WDR7: variants seen among roughly 807,000 people sequenced by gnomAD.
The protein encoded by WDR7 is WD repeat domain 7, also known as WD repeat-containing protein 7.
Under a neutral mutation model 169.4 loss-of-function variants are expected in WDR7, and 46 were observed. That is an observed-to-expected ratio of 0.27 (90% confidence interval 0.21 to 0.35). The LOEUF (loss-of-function observed/expected upper bound fraction) is 0.35. Among genes scored for constraint, WDR7 ranks in the 10% least tolerant of loss-of-function variants. The pLI, the probability that WDR7 is intolerant of heterozygous loss-of-function variation, is 1.00. For missense variants in WDR7, 1,534 were observed against 1,859.3 expected (o/e 0.83, Z 3.22); for synonymous variants, 612 against 666.8 (o/e 0.92, Z 1.27).
At chr18:57,001,163 A>G (rs1056938333) in intron 26 of WDR7, among the ~76,000 whole-genome samples, 7 of 151,016 alleles carry the variant, frequency 4.6e-5, no homozygotes, top group Admixed American at 3.3e-4. Context: ...ATCAATAGCT[A>G]GTAATATAAA....
intron 20 of WDR7, among the ~76,000 whole-genome samples, chr18:56,870,613 C>A (rs979717295): frequency 4.6e-5 from 7 of 152,076 alleles, no homozygotes; most frequent in African/African-American, 1.7e-4. Context: ...AAAGATAGAT[C>A]TTAAAAATTG....
chr18:56,766,447 C>T (rs2044068996), intron 16 of WDR7, among the ~76,000 whole-genome samples: 4 of 152,088 alleles, frequency 2.6e-5, no homozygotes, highest in African/African-American at 7.2e-5. Flanking sequence ...TTTTTCCTCT[C>T]TGTGTTTTGA....
At chr18:56,834,347 G>T (rs1041040412) in intron 20 of WDR7, among the ~76,000 whole-genome samples, 3 of 152,126 alleles carry the variant, frequency 2.0e-5, no homozygotes, top group Admixed American at 6.5e-5. Flanking sequence ...TCAAGGCCAA[G>T]GGGTGGTATA....
intron 14 of WDR7, 94 bp downstream of exon 14, chr18:56,731,691 G>T (rs1421262): frequency 0.12 from 133,530 of 1,118,732 alleles, 8,688 homozygotes; most frequent in Non-Finnish European, 0.14. Context: ...TAATTTTTGA[G>T]AAATGACCCT....
At chr18:56,803,506 T>G (rs2044714622) in intron 19 of WDR7, among the ~76,000 whole-genome samples, 2 of 152,132 alleles carry the variant, frequency 1.3e-5, no homozygotes, top group Non-Finnish European at 2.9e-5. Context: ...TCAAATATCT[T>G]ATTTATAAAC....
At chr18:56,929,978 G>T (rs1403041552) in intron 22 of WDR7, among the ~76,000 whole-genome samples, 2 of 152,116 alleles carry the variant, frequency 1.3e-5, no homozygotes, top group African/African-American at 4.8e-5. Flanking sequence ...CTAAGTTGTG[G>T]TCTGTGATTT....
intron 19 of WDR7, among the ~76,000 whole-genome samples, chr18:56,783,909 C>A (rs1489753480): frequency 2.6e-5 from 4 of 152,066 alleles, no homozygotes; most frequent in Admixed American, 1.3e-4. Flanking sequence ...CAAATTACTC[C>A]CTGAAGCAGT....
At chr18:56,896,661 ACCTAATG>A in intron 21 of WDR7, among the ~76,000 whole-genome samples, 1 of 151,890 alleles carries the variant, frequency 6.6e-6, no homozygotes, top group Non-Finnish European at 1.5e-5. Context: ...AAATTGGATC[ACCTAATG>A]CCTGTCATTA....
chr18:56,959,656 C>A (rs1477232033), intron 25 of WDR7, among the ~76,000 whole-genome samples: 1 of 152,154 alleles, frequency 6.6e-6, no homozygotes, highest in Non-Finnish European at 1.5e-5. Context: ...CTGAAACCCC[C>A]AAATTTTACA....
chr18:56,804,559 A>T (rs1265059202), intron 19 of WDR7, among the ~76,000 whole-genome samples: 1 of 152,208 alleles, frequency 6.6e-6, no homozygotes, highest in African/African-American at 2.4e-5. Context: ...AGTCATATGG[A>T]TATAACAGTT....
intron 16 of WDR7, among the ~76,000 whole-genome samples, chr18:56,765,654 G>GA (rs2044052344): frequency 6.6e-6 from 1 of 151,982 alleles, no homozygotes; most frequent in African/African-American, 2.4e-5. Flanking sequence ...ACTGAAATAA[G>GA]AAAAAATACA....
chr18:57,002,708 C>T (rs1002409855), intron 26 of WDR7, among the ~76,000 whole-genome samples: 1 of 152,106 alleles, frequency 6.6e-6, no homozygotes, highest in African/African-American at 2.4e-5. Flanking sequence ...GCTGTCAGCT[C>T]ATTTTTTCTG....
At chr18:56,708,714 C>G (rs541209192) in intron 12 of WDR7, among the ~76,000 whole-genome samples, 1 of 152,236 alleles carries the variant, frequency 6.6e-6, no homozygotes, top group East Asian at 1.9e-4. Context: ...ACAGGTGGAT[C>G]ACCTGAGGTC....
intron 25 of WDR7, among the ~76,000 whole-genome samples, chr18:56,961,869 T>A (rs937338765): frequency 1.3e-5 from 2 of 152,120 alleles, no homozygotes; most frequent in African/African-American, 2.4e-5. Flanking sequence ...CTTTTTCTGG[T>A]GGATAGTTTT....
chr18:56,992,771 A>G (rs34216187), intron 26 of WDR7, among the ~76,000 whole-genome samples: 31,490 of 152,078 alleles, frequency 0.21, 3,878 homozygotes, highest in Middle Eastern at 0.35. Flanking sequence ...AGCCAATCCA[A>G]TCAATTCCCA....
In WDR7 at chr18:56,718,632, A is replaced by G. The variant is rs190885846; in HGVS notation, c.1774+473A>G. ...TTCAGAAAGTTTATGTATTGGGGGTATAATGTAGAAATAGTAATGCTTAGC... is the reference window on the plus strand; with the variant it reads ...TTCAGAAAGTTTATGTATTGGGGGTGTAATGTAGAAATAGTAATGCTTAGC... On this transcript the variant is annotated intron_variant, in intron 13 of 27. Transcript: ENST00000254442. Among the ~76,000 whole-genome samples the G allele has an allele frequency of 4.6e-5, 7 of 152,370 alleles. No homozygotes were observed. In the East Asian group the frequency reaches 1.3e-3, roughly 29 times the overall value.
chr18:56,889,522 G>C (rs1414458404), intron 21 of WDR7, among the ~76,000 whole-genome samples: 1 of 152,146 alleles, frequency 6.6e-6, no homozygotes, highest in Non-Finnish European at 1.5e-5. Flanking sequence ...CTGAAGCTTT[G>C]CTTAGTACCA....
chr18:56,701,392 A>T (rs1442086532), intron 12 of WDR7, among the ~76,000 whole-genome samples: 1 of 152,224 alleles, frequency 6.6e-6, no homozygotes. Flanking sequence ...TTGATAAAAC[A>T]AACTACTATA....
At chr18:56,841,953 C>G (rs1205695117) in intron 20 of WDR7, among the ~76,000 whole-genome samples, 2 of 152,228 alleles carry the variant, frequency 1.3e-5, no homozygotes, top group East Asian at 3.9e-4. Context: ...AGATATGCTT[C>G]TACAATTAAA....
Sources: allele counts gnomAD v4.1 joint callset (sites outside exome capture counted in the v4.1 genomes callset), GRCh38; gene constraint gnomAD v4.1.1; transcripts MANE v1.5; gene names NCBI Gene and HGNC (gene_info 2026-07-23, HGNC 2026-07-21).